The following RBPJ variants were observed in gnomAD, a reference collection of about 807,000 sequenced individuals.
The protein encoded by RBPJ is recombination signal binding protein for immunoglobulin kappa J region, also known as recombining binding protein suppressor of hairless.
RBPJ carries 9 observed loss-of-function variants against 67.8 expected under a neutral mutation model. The ratio of observed to expected loss-of-function variants is 0.13; its 90% CI spans 0.08 to 0.23. The LOEUF is 0.23. Among genes scored for constraint, RBPJ ranks in the 10% least tolerant of loss-of-function variants. The pLI is 1.00. For missense variants in RBPJ, 305 were observed against 595.6 expected, an observed-to-expected ratio of 0.51 and a Z score of 5.08; for synonymous variants, 198 against 203.3, an observed-to-expected ratio of 0.97 and a Z score of 0.22.
Position 26,321,258 on chromosome 4 carries a change from GGGCGGCGGC to G in RBPJ, c.20+221_20+229del, listed in dbSNP as rs1404456642. On this transcript the variant is annotated intron_variant, in intron 1 of 10. Coordinates refer to ENST00000355476, the MANE Select transcript of RBPJ (RefSeq NM_015874.6). ...GGCTCAGGCTCCAGCGCGTGAGGGC[GGGCGGCGGC>G]GGCGGCGGCGAGGCCGGCGGGTGCG... 130 of 153,284 alleles carry G rather than the reference GGGCGGCGGC, an allele frequency of 8.5e-4. 2 individuals carry two copies. Among genetic ancestry groups the G allele is most frequent in the African/African-American group, 3.0e-3 (121 of 40,908 alleles). 9.5% of individuals were successfully genotyped at this position (153,284 alleles called of 1,614,324 possible).
Position 26,245,457 on chromosome 4 carries a change from T to C in RBPJ, c.-167+81843T>C, listed in dbSNP as rs1441480206. On this transcript the variant is annotated intron_variant, in intron 1 of 4. Coordinates refer to the RBPJ transcript ENST00000512351. ...CTCCTGACCTTGTGGTCCACCTGCC[T>C]CAGACTCCCAAAGTGCTGGGATTAC... Among the ~76,000 whole-genome samples, 3 of 152,130 alleles carry C rather than the reference T, an allele frequency of 2.0e-5. No homozygotes were observed. The East Asian group carries it at 5.8e-4, about 29-fold the overall frequency.
chr4:26,157,377 G>C, the RBPJ span, among the ~76,000 whole-genome samples: 2 of 152,098 alleles, frequency 1.3e-5, no homozygotes, highest in Non-Finnish European at 2.9e-5. Flanking sequence ...AGGTTACAGT[G>C]AGCTATGATC....
chr4:26,319,668 A>C (rs1722817129), upstream of RBPJ: 5 of 648,426 alleles, frequency 7.7e-6, no homozygotes, highest in South Asian at 8.7e-5. Flanking sequence ...GAGTAGTGGA[A>C]GGCGGTGGGA....
chr4:26,162,727 T>A (rs1365921722), upstream of RBPJ, among the ~76,000 whole-genome samples: 1 of 152,212 alleles, frequency 6.6e-6, no homozygotes, highest in African/African-American at 2.4e-5. Flanking sequence ...CGAGCACATG[T>A]CCTCATCCCA....
upstream of RBPJ, among the ~76,000 whole-genome samples, chr4:26,316,653 TTGATATATATATATATACAC>T (rs1722649216): frequency 7.4e-6 from 1 of 134,532 alleles, no homozygotes; most frequent in African/African-American, 3.1e-5. Context: ...TATACACATA[TTGATATATATATATATACAC>T]ATATATATAT....
the RBPJ span, among the ~76,000 whole-genome samples, chr4:26,105,711 G>A: frequency 1.3e-5 from 2 of 152,176 alleles, no homozygotes; most frequent in African/African-American, 4.8e-5. Context: ...ACAAAAACAT[G>A]AGAAAAGATA....
intron 1 of RBPJ, among the ~76,000 whole-genome samples, chr4:26,297,650 T>C (rs1721925911): frequency 6.6e-6 from 1 of 151,978 alleles, no homozygotes; most frequent in African/African-American, 2.4e-5. Flanking sequence ...ATTTATAAAG[T>C]TGAAAAACTT....
chr4:26,228,262 A>C (rs1427043690), intron 1 of RBPJ, among the ~76,000 whole-genome samples: 1 of 151,994 alleles, frequency 6.6e-6, no homozygotes, highest in Non-Finnish European at 1.5e-5. Context: ...ATTGCTCCCC[A>C]TTTTGCCATT....
chr4:26,112,796 G>A, the RBPJ span: 3 of 95,726 alleles, frequency 3.1e-5, no homozygotes, highest in Non-Finnish European at 5.8e-5. Flanking sequence ...TTTTGCTCTT[G>A]TTGCCCAGGC....
chr4:26,230,509 C>T (rs1335758199), intron 1 of RBPJ, among the ~76,000 whole-genome samples: 1 of 152,150 alleles, frequency 6.6e-6, no homozygotes, highest in Non-Finnish European at 1.5e-5. Flanking sequence ...AGGACACAGG[C>T]ATGAGGAGGT....
intron 1 of RBPJ, among the ~76,000 whole-genome samples, chr4:26,273,592 A>G (rs570252731): frequency 4.6e-5 from 7 of 152,316 alleles, no homozygotes; most frequent in African/African-American, 1.7e-4. Context: ...ACAGATTCCA[A>G]TGGCTCAGGG....
upstream of RBPJ, among the ~76,000 whole-genome samples, chr4:26,316,599 T>TATATATACACATATTG (rs1560258612): frequency 7.2e-6 from 1 of 139,328 alleles, no homozygotes; most frequent in African/African-American, 2.7e-5. Flanking sequence ...ATATATAATA[T>TATATATACACATATTG]ATATATACAC....
chr4:26,254,843 ATTTTTTTTTTTTTTTTTTT>A (rs71643604), intron 1 of RBPJ, among the ~76,000 whole-genome samples: 20 of 16,548 alleles, frequency 1.2e-3, no homozygotes, highest in South Asian at 3.8e-3. Flanking sequence ...ATGCCCAGCT[ATTTTTTTTTTTTTTTTTTT>A]TTTTTTTTTT....
chr4:26,408,951 C>T (rs1410926053), intron 3 of RBPJ, among the ~76,000 whole-genome samples: 2 of 152,194 alleles, frequency 1.3e-5, no homozygotes, highest in East Asian at 1.9e-4. Context: ...TTTTCCATTA[C>T]CTAGGTGAGA....
Position 26,246,002 on chromosome 4 carries a change from C to G in RBPJ, c.-167+82388C>G, listed in dbSNP as rs1395820126. On this transcript the variant is annotated intron_variant, in intron 1 of 4. Coordinates refer to the RBPJ transcript ENST00000512351. Reference sequence around the variant, plus strand: ...AGTTTTGAAATGGGAAAGGGTAAGTCTCCAAACTTGTTCTTCTTTAAAAGA... The same window carrying G: ...AGTTTTGAAATGGGAAAGGGTAAGTGTCCAAACTTGTTCTTCTTTAAAAGA... Among the ~76,000 whole-genome samples, 3 of 152,144 alleles carry G rather than the reference C, an allele frequency of 2.0e-5. No homozygotes were observed. The East Asian group carries it at 5.8e-4, about 29-fold the overall frequency.
At chr4:26,394,263 G>A (rs756678216) in intron 2 of RBPJ, among the ~76,000 whole-genome samples, 14 of 152,070 alleles carry the variant, frequency 9.2e-5, no homozygotes, top group Non-Finnish European at 1.9e-4. Flanking sequence ...TCCTGACCAC[G>A]TGATCCGCCC....
upstream of RBPJ, among the ~76,000 whole-genome samples, chr4:26,316,655 G>GATAT (rs200406295): frequency 1.8e-5 from 2 of 110,284 alleles, no homozygotes; most frequent in South Asian, 2.6e-4. Flanking sequence ...TACACATATT[G>GATAT]ATATATATAT....
intron 1 of RBPJ, among the ~76,000 whole-genome samples, chr4:26,210,052 C>T (rs1718330739): frequency 6.6e-6 from 1 of 152,086 alleles, no homozygotes; most frequent in South Asian, 2.1e-4. Context: ...TTTTAAACAA[C>T]TATTGGATTG....
the RBPJ span, among the ~76,000 whole-genome samples, chr4:26,149,334 G>T: frequency 1.3e-5 from 2 of 152,176 alleles, no homozygotes; most frequent in Admixed American, 6.5e-5. Flanking sequence ...ATTTATTACT[G>T]TCCTGCCTCT....
Sources: allele counts gnomAD v4.1 joint callset (sites outside exome capture counted in the v4.1 genomes callset), GRCh38; gene constraint gnomAD v4.1.1; transcripts MANE v1.5; gene names NCBI Gene and HGNC (gene_info 2026-07-23, HGNC 2026-07-21).